The following CNTNAP4 variants were observed in gnomAD, a reference collection of about 807,000 sequenced individuals.
The protein encoded by CNTNAP4 is contactin-associated protein-like 4.
CNTNAP4 carries 98 observed loss-of-function variants against 148.4 expected under a neutral mutation model. The observed-to-expected ratio is 0.66, with a 90% confidence interval of 0.56 to 0.78. The LOEUF (loss-of-function observed/expected upper bound fraction) is 0.78, where lower values mean the gene tolerates loss of function less well. CNTNAP4 is among the 30% of genes least tolerant of loss of function. The pLI, the probability that CNTNAP4 is intolerant of heterozygous loss-of-function variation, is 0.00. For missense variants in CNTNAP4, 1,935 were observed against 1,565.6 expected (o/e 1.24, Z -3.98); for synonymous variants, 730 against 565.1 (o/e 1.29, Z -4.14).
intron 2 of CNTNAP4, among the ~76,000 whole-genome samples, chr16:76,323,001 A>T (rs1474704569): frequency 6.6e-6 from 1 of 151,118 alleles, no homozygotes; most frequent in Non-Finnish European, 1.5e-5. Flanking sequence ...CACCCACCTA[A>T]TTTTTTTTGT....
intron 3 of CNTNAP4, among the ~76,000 whole-genome samples, chr16:76,404,029 A>G (rs1049423085): frequency 1.3e-5 from 2 of 152,268 alleles, no homozygotes; most frequent in Admixed American, 6.5e-5. Context: ...AACAACGGAC[A>G]CTGGGGCTTA....
intron 3 of CNTNAP4, among the ~76,000 whole-genome samples, chr16:76,380,318 G>T (rs1051450740): frequency 7.2e-5 from 11 of 152,140 alleles, no homozygotes; most frequent in African/African-American, 2.7e-4. Context: ...AGGCGTATAG[G>T]ACCAGGATTT....
intron 3 of CNTNAP4, among the ~76,000 whole-genome samples, chr16:76,359,299 AAG>A (rs2013112571): frequency 6.6e-6 from 1 of 152,206 alleles, no homozygotes; most frequent in Non-Finnish European, 1.5e-5. Flanking sequence ...AAGTCTACGA[AAG>A]AGAGTTAGGA....
chr16:76,343,446 C>T (rs575634100), intron 2 of CNTNAP4, among the ~76,000 whole-genome samples: 58 of 152,314 alleles, frequency 3.8e-4, no homozygotes, highest in Non-Finnish European at 6.3e-4. Flanking sequence ...ATCATGCTCC[C>T]TCAAAACCCT....
intron 3 of CNTNAP4, among the ~76,000 whole-genome samples, chr16:76,412,310 C>G (rs1187824938): frequency 6.6e-6 from 1 of 151,478 alleles, no homozygotes; most frequent in Non-Finnish European, 1.5e-5. Flanking sequence ...TATTCACGTA[C>G]ATACATGTCT....
chr16:76,430,333 C>A (rs1597508693), intron 4 of CNTNAP4, among the ~76,000 whole-genome samples: 1 of 152,130 alleles, frequency 6.6e-6, no homozygotes, highest in Admixed American at 6.6e-5. Context: ...ATAAGACATA[C>A]AGCTTGCTCT....
chr16:76,434,621 T>A (rs1597524168), intron 4 of CNTNAP4, among the ~76,000 whole-genome samples: 1 of 152,334 alleles, frequency 6.6e-6, no homozygotes, highest in East Asian at 1.9e-4. Context: ...AAGTCTTTGA[T>A]GTTGGCACTA....
rs764740396 is a variant in CNTNAP4 at position 76,539,829 on chromosome 16, G to A, written c.3331G>A (p.Glu1111Lys). 6.3e-7 allele frequency: 1 copy of A among 1,596,430 alleles called. No individual in the cohort carries two copies. Among genetic ancestry groups the A allele is most frequent in the South Asian group, 1.1e-5 (1 of 87,412 alleles). Residue 1111 changes from glutamate to lysine, a missense_variant, in exon 20 of 24, where the codon GAA becomes AAA. Coordinates refer to ENST00000611870, the MANE Select transcript of CNTNAP4 (RefSeq NM_033401.5). ...ACTTCACCACATAATGATTAACAGA[G>A]AAGAAGGAGTGGTCTTTATAGAGGT... ...GQLHHIMINR[E>K]EGVVFIEIDD...
intron 8 of CNTNAP4, among the ~76,000 whole-genome samples, chr16:76,455,733 C>T (rs1169766214): frequency 2.0e-5 from 3 of 152,150 alleles, no homozygotes; most frequent in African/African-American, 7.2e-5. Flanking sequence ...TTGGTTTTTC[C>T]CTGAGGAATG....
At chr16:76,364,233 CAAAAAAAAAAAAA>C (rs58589609) in intron 3 of CNTNAP4, among the ~76,000 whole-genome samples, 3 of 48,178 alleles carry the variant, frequency 6.2e-5, no homozygotes, top group African/African-American at 2.4e-4. Flanking sequence ...GATTCCATCT[CAAAAAAAAAAAAA>C]AAAAAAAAAA....
chr16:76,347,645 G>A (rs1347622390), intron 2 of CNTNAP4, among the ~76,000 whole-genome samples: 1 of 152,120 alleles, frequency 6.6e-6, no homozygotes, highest in Non-Finnish European at 1.5e-5. Flanking sequence ...TCGAGCAAGA[G>A]ACTTATAGGC....
chr16:76,464,567 A>G (rs930869357), intron 9 of CNTNAP4, among the ~76,000 whole-genome samples: 1 of 152,172 alleles, frequency 6.6e-6, no homozygotes, highest in African/African-American at 2.4e-5. Context: ...GTTTATGTTC[A>G]AGTAAAAAGT....
chr16:76,520,138 G>A (rs991881072), intron 15 of CNTNAP4, among the ~76,000 whole-genome samples: 2 of 152,098 alleles, frequency 1.3e-5, no homozygotes, highest in Non-Finnish European at 1.5e-5. Context: ...ATGTATATTC[G>A]TATTTGATGT....
At chr16:76,404,695 A>C (rs1445288712) in intron 3 of CNTNAP4, among the ~76,000 whole-genome samples, 2 of 152,116 alleles carry the variant, frequency 1.3e-5, no homozygotes, top group Admixed American at 6.6e-5. Flanking sequence ...TAATACATGA[A>C]ATTGCTTATA....
chr16:76,538,324 G>A lies in CNTNAP4; in HGVS notation c.3204G>A (p.Val1068=). 6.2e-7 allele frequency: 1 copy of A among 1,602,030 alleles called. No individual in the cohort carries two copies. The highest frequency in any genetic ancestry group is 8.5e-7 in the Non-Finnish European group (1 of 1,175,670). Reference sequence around the variant, plus strand: ...CCTTTTACAAAGAATACCTTTCTGTGATCATTGCCAAAAATGGTGAGTTCT... The same window carrying A: ...CCTTTTACAAAGAATACCTTTCTGTAATCATTGCCAAAAATGGTGAGTTCT... ...VSSFYKEYLS[V]IIAKNGSLQI... Residue 1068 remains valine (V), a synonymous_variant, in exon 19 of 24, where the codon GTG becomes GTA. Transcript: ENST00000611870.
intron 16 of CNTNAP4, 114 bp from the exon 17 acceptor site, chr16:76,521,925 C>T (rs1286486386): frequency 6.5e-6 from 6 of 922,108 alleles, no homozygotes; most frequent in South Asian, 2.9e-5. Flanking sequence ...CATCTATGTT[C>T]GTTATCTTTC....
intron 13 of CNTNAP4, among the ~76,000 whole-genome samples, chr16:76,492,666 G>A (rs184418415): frequency 3.9e-5 from 6 of 152,280 alleles, no homozygotes; most frequent in Admixed American, 2.6e-4. Flanking sequence ...TCTCATGGCA[G>A]TGAATAAGTC....
chr16:76,349,378 G>A (rs1965185353), intron 2 of CNTNAP4, among the ~76,000 whole-genome samples: 1 of 152,152 alleles, frequency 6.6e-6, no homozygotes, highest in Non-Finnish European at 1.5e-5. Context: ...AGATGGAGAA[G>A]TGAACATGAG....
chr16:76,526,589 T>A (rs913683165), intron 17 of CNTNAP4, among the ~76,000 whole-genome samples: 3 of 152,206 alleles, frequency 2.0e-5, no homozygotes, highest in African/African-American at 7.2e-5. Context: ...GTTAGTGTTT[T>A]ACCACTTATC....
Sources: gnomAD v4.1 joint callset for allele counts (sites outside exome capture counted in the v4.1 genomes callset) on GRCh38, gnomAD v4.1.1 for gene constraint, MANE v1.5 for transcripts, NCBI Gene and HGNC (gene_info 2026-07-23, HGNC 2026-07-21) for gene names.